Variants in PAPSS2 observed in about 807,000 individuals in gnomAD.
PAPSS2 encodes 3'-phosphoadenosine 5'-phosphosulfate synthase 2.
PAPSS2 carries 61 observed loss-of-function variants against 66.5 expected under a neutral mutation model. That is an observed-to-expected ratio of 0.92 (90% confidence interval 0.75 to 1.14). The LOEUF (loss-of-function observed/expected upper bound fraction) is 1.14, where lower values mean the gene tolerates loss of function less well. Ranked by LOEUF, PAPSS2 falls within the 50% of genes most tolerant of loss-of-function variation. The probability of loss-of-function intolerance (pLI) is 0.00; values close to 1 mark genes in which losing one functional copy is unlikely to be tolerated. For synonymous variants in PAPSS2, 289 were observed against 287.5 expected (o/e 1.01, Z -0.05); for missense variants, 708 against 789.6 (o/e 0.90, Z 1.24).
chr10:87,708,287 C>T (rs1357814892), intron 1 of PAPSS2, among the ~76,000 whole-genome samples: 3 of 152,122 alleles, frequency 2.0e-5, no homozygotes, highest in Admixed American at 2.0e-4. Flanking sequence ...AGTACATTTC[C>T]ATTTCTGCTG....
chr10:87,676,745 G>A (rs10219014), intron 1 of PAPSS2, among the ~76,000 whole-genome samples: 2,410 of 151,932 alleles, frequency 0.016, 61 homozygotes, highest in African/African-American at 0.055. Context: ...GATGGCACAT[G>A]CCTGTAGACA....
chr10:87,715,721 G>C lies in PAPSS2; in HGVS notation c.754-11G>C, dbSNP rs368741177. 1 of 1,566,430 alleles carries C rather than the reference G, an allele frequency of 6.4e-7. No individual in the cohort carries two copies. ...TTATGAAAATGTTCAACTACTTTTT[G>C]TGTTTTGCAGCTGGATCTCCAGTGG... On this transcript the variant is annotated splice_polypyrimidine_tract_variant and intron_variant, in intron 6 of 12. Coordinates refer to ENST00000456849, the MANE Select transcript of PAPSS2 (RefSeq NM_001015880.2).
chr10:87,723,662 T>A (rs1053453435), intron 8 of PAPSS2, among the ~76,000 whole-genome samples: 2 of 119,068 alleles, frequency 1.7e-5, no homozygotes, highest in Non-Finnish European at 3.4e-5. Flanking sequence ...ACCGGATTTG[T>A]TTATTGCCGG....
intron 1 of PAPSS2, among the ~76,000 whole-genome samples, chr10:87,680,069 T>C (rs1013335690): frequency 6.6e-6 from 1 of 151,104 alleles, no homozygotes; most frequent in Non-Finnish European, 1.5e-5. Flanking sequence ...GTCTCCACTG[T>C]TGTAATGGTC....
rs1853937542 is a variant in PAPSS2 at position 87,746,168 on chromosome 10, A to G, written c.*198A>G. On this transcript the variant is annotated 3_prime_UTR_variant, in exon 13 of 13. Coordinates refer to ENST00000456849, the MANE Select transcript of PAPSS2 (RefSeq NM_001015880.2). Reference sequence around the variant, plus strand: ...ACATACAAAGTCAAACTGAAGACCAAATCTTAGCAGGTAAAAGCAATATTC... The same window carrying G: ...ACATACAAAGTCAAACTGAAGACCAGATCTTAGCAGGTAAAAGCAATATTC... The G allele has an allele frequency of 4.6e-6, 2 of 431,942 alleles. No individual in the cohort carries two copies. The highest frequency in any genetic ancestry group is 4.0e-5 in the Admixed American group (1 of 25,292). The allele number at this position is 431,942 out of a possible 1,614,324, so 26.8% of individuals were successfully genotyped here. A position where few individuals can be genotyped will look rare whatever the true frequency, so the allele number is the denominator to read the frequency against.
chr10:87,699,862 T>C (rs1157905447), intron 1 of PAPSS2, among the ~76,000 whole-genome samples: 1 of 151,136 alleles, frequency 6.6e-6, no homozygotes, highest in African/African-American at 2.4e-5. Context: ...CATTTTCTGG[T>C]TGAGAAATTC....
intron 2 of PAPSS2, 31 bp downstream of exon 2, chr10:87,709,344 T>TATAC: frequency 1.0e-6 from 1 of 1,004,410 alleles, no homozygotes; most frequent in Non-Finnish European, 1.5e-6. Flanking sequence ...TATATATATA[T>TATAC]ACAAATTGCA....
At chr10:87,667,312 A>G (rs1852826540) in intron 1 of PAPSS2, among the ~76,000 whole-genome samples, 1 of 149,452 alleles carries the variant, frequency 6.7e-6, no homozygotes. Flanking sequence ...AAATTAGCCA[A>G]GTGTGGTGGC....
intron 1 of PAPSS2, among the ~76,000 whole-genome samples, chr10:87,689,436 CG>C (rs1489700054): frequency 2.2e-4 from 34 of 151,732 alleles, no homozygotes; most frequent in African/African-American, 8.2e-4. Context: ...TTTGGGAGGC[CG>C]AGGCAGGTGG....
At chr10:87,670,589 C>A (rs1374722888) in intron 1 of PAPSS2, among the ~76,000 whole-genome samples, 1 of 151,982 alleles carries the variant, frequency 6.6e-6, no homozygotes, top group African/African-American at 2.4e-5. Flanking sequence ...CACACACACA[C>A]ACACACACAC....
intron 1 of PAPSS2, among the ~76,000 whole-genome samples, chr10:87,675,061 T>C (rs1852928340): frequency 6.6e-6 from 1 of 152,230 alleles, no homozygotes; most frequent in Non-Finnish European, 1.5e-5. Flanking sequence ...TCTTATGCCC[T>C]GTTGGCTAAA....
At chr10:87,693,226 G>A (rs1475136127) in intron 1 of PAPSS2, among the ~76,000 whole-genome samples, 1 of 152,150 alleles carries the variant, frequency 6.6e-6, no homozygotes, top group Non-Finnish European at 1.5e-5. Flanking sequence ...CATAAAATGA[G>A]GCCTTGAGCC....
chr10:87,691,902 T>C (rs560274675), intron 1 of PAPSS2, among the ~76,000 whole-genome samples: 198 of 152,232 alleles, frequency 1.3e-3, no homozygotes, highest in African/African-American at 4.6e-3. Flanking sequence ...AACATGCCAC[T>C]GCACTGCAGC....
chr10:87,746,081 T>C lies in PAPSS2; in HGVS notation c.*111T>C. On this transcript the variant is annotated 3_prime_UTR_variant, in exon 13 of 13. Transcript: ENST00000456849. ...CTCAATGATGCATTTTAATCTTTTA[T>C]AATGAAGTAAAAGTTGTGTCTATAA... 2.0e-6 allele frequency: 2 copies of C among 1,000,706 alleles called. No individual in the cohort carries two copies. The highest frequency in any genetic ancestry group is 3.0e-6 in the Non-Finnish European group (2 of 659,812). The allele number at this position is 1,000,706 out of a possible 1,614,324, so 62.0% of individuals were successfully genotyped here.
chr10:87,745,268 G>A (rs962529166), intron 12 of PAPSS2, 37 bp downstream of exon 12: 1 of 1,505,218 alleles, frequency 6.6e-7, no homozygotes, highest in Non-Finnish European at 9.1e-7. Context: ...ATCAACATCT[G>A]TATAAAAGAA....
At chr10:87,694,821 A>G (rs2131916560) in intron 1 of PAPSS2, among the ~76,000 whole-genome samples, 1 of 152,326 alleles carries the variant, frequency 6.6e-6, no homozygotes, top group South Asian at 2.1e-4. Context: ...ATAGAGCTGG[A>G]AATCAGTAAA....
At chr10:87,672,407 T>C (rs1852889496) in intron 1 of PAPSS2, among the ~76,000 whole-genome samples, 1 of 152,256 alleles carries the variant, frequency 6.6e-6, no homozygotes, top group African/African-American at 2.4e-5. Context: ...TATTTTTGGA[T>C]GCTTCTAAAA....
intron 1 of PAPSS2, among the ~76,000 whole-genome samples, chr10:87,670,582 A>ACC (rs749496737): frequency 2.0e-5 from 3 of 151,322 alleles, no homozygotes; most frequent in Non-Finnish European, 4.4e-5. Flanking sequence ...TGGAGCACAC[A>ACC]CACACACACA....
At chr10:87,699,320 C>A (rs4933455) in intron 1 of PAPSS2, among the ~76,000 whole-genome samples, 81,134 of 151,996 alleles carry the variant, frequency 0.53, 23,366 homozygotes, top group African/African-American at 0.75. Flanking sequence ...TCAAAGTTTC[C>A]CTCTGTTACC....
Sources: allele counts gnomAD v4.1 joint callset (sites outside exome capture counted in the v4.1 genomes callset), GRCh38; gene constraint gnomAD v4.1.1; transcripts MANE v1.5; gene names NCBI Gene and HGNC (gene_info 2026-07-23, HGNC 2026-07-21).